The following SRP68 variants were observed in gnomAD, a reference collection of about 807,000 sequenced individuals.
The protein encoded by SRP68 is signal recognition particle 68, also known as signal recognition particle subunit SRP68.
In SRP68, 15 loss-of-function variants were observed where a neutral mutation model predicts 82.2. The ratio of observed to expected loss-of-function variants is 0.18; its 90% confidence interval spans 0.12 to 0.28. The LOEUF (loss-of-function observed/expected upper bound fraction) is 0.28, where lower values mean the gene tolerates loss of function less well. SRP68 is among the 10% of genes least tolerant of loss of function. The pLI is 1.00. For missense variants in SRP68, 595 were observed against 780.5 expected (o/e 0.76, Z 2.83); for synonymous variants, 261 against 292.6 (o/e 0.89, Z 1.10).
intron 6 of SRP68, 118 bp from the exon 7 acceptor site, chr17:76,060,508 A>G: frequency 1.5e-6 from 1 of 672,990 alleles, no homozygotes; most frequent in African/African-American, 1.8e-5. Context: ...ATGAATCTGC[A>G]GCACAATCTG....
chr17:76,060,763 G>A (rs2066747110), intron 6 of SRP68: 1 of 344,232 alleles, frequency 2.9e-6, no homozygotes. Context: ...AGAGGCTATG[G>A]ATGTGGGGAG....
chr17:76,056,168 G>A (rs533781999), intron 8 of SRP68, among the ~76,000 whole-genome samples: 41 of 151,962 alleles, frequency 2.7e-4, no homozygotes, highest in Non-Finnish European at 3.8e-4. Flanking sequence ...CATTTGGTAC[G>A]TGTCTGTAGC....
intron 15 of SRP68, 129 bp from the exon 16 acceptor site, chr17:76,040,062 G>T: frequency 1.1e-6 from 1 of 897,926 alleles, no homozygotes; most frequent in Non-Finnish European, 1.7e-6. Context: ...AATCCCGACA[G>T]CCTCCTACGA....
In SRP68 at chr17:76,072,443, CACT is replaced by C. The variant is rs2066863272; in HGVS notation, c.46_48del (p.Ser16del). On this transcript the variant is annotated inframe_deletion, in exon 1 of 16. Coordinates refer to ENST00000307877, the MANE Select transcript of SRP68 (RefSeq NM_014230.4). The surrounding 1 kb of genome is among the most constrained non-coding windows in gnomAD (Gnocchi z 4.5). ...CCGCCGCCACTGCCACCGCCGCCGC[CACT>C]GCCGCCGCCGCCGCCGCCGCCTGGG... is the stretch of plus-strand genomic sequence containing the variant. 6.3e-7 allele frequency: 1 copy of C among 1,583,352 alleles called. No homozygotes were observed. The highest frequency in any genetic ancestry group is 8.6e-7 in the Non-Finnish European group (1 of 1,167,454).
chr17:76,065,357 G>GT (rs1567936470), intron 3 of SRP68, among the ~76,000 whole-genome samples: 2 of 149,826 alleles, frequency 1.3e-5, no homozygotes, highest in African/African-American at 4.9e-5. Context: ...TCAGGAGGGT[G>GT]AGACAGGAGT....
Position 76,039,864 on chromosome 17 carries a change from G to A in SRP68, c.1726C>T (p.His576Tyr), listed in dbSNP as rs1180254232. 5.0e-6 allele frequency: 8 copies of A among 1,614,142 alleles called. No homozygotes were observed. Among genetic ancestry groups the A allele is most frequent in the Non-Finnish European group, 6.8e-6 (8 of 1,180,060 alleles). ...ATGGGCTGGAAGCCTGGTGGGAAGTGCACAAGGTTGGCTTGCTTGGTGACA... is the reference window on the plus strand; with the variant it reads ...ATGGGCTGGAAGCCTGGTGGGAAGTACACAAGGTTGGCTTGCTTGGTGACA... ...SLVTKQANLV[H>Y]FPPGFQPIPC... The change falls in exon 16 of 16, where the codon CAC becomes TAC. Residue 576 changes from histidine to tyrosine, a missense_variant. Coordinates refer to ENST00000307877, the MANE Select transcript of SRP68 (RefSeq NM_014230.4).
chr17:76,060,499 T>A, intron 6 of SRP68, 109 bp from the exon 7 acceptor site: 1 of 708,800 alleles, frequency 1.4e-6, no homozygotes, highest in Non-Finnish European at 2.5e-6. Flanking sequence ...GCTACTTCAA[T>A]GAATCTGCAG....
At chr17:76,066,929 T>C (rs1018670280) in intron 3 of SRP68, among the ~76,000 whole-genome samples, 4 of 152,098 alleles carry the variant, frequency 2.6e-5, no homozygotes, top group African/African-American at 9.7e-5. Context: ...GGTTTTGCCA[T>C]GTTGGCCAGG....
chr17:76,049,648 G>A (rs1167150997), intron 9 of SRP68: 2 of 152,096 alleles, frequency 1.3e-5, no homozygotes, highest in Non-Finnish European at 2.9e-5. Context: ...GGTATGAAAC[G>A]AAAATTAGAA....
intron 14 of SRP68, chr17:76,040,676 A>G: frequency 1.5e-6 from 1 of 666,060 alleles, no homozygotes; most frequent in Non-Finnish European, 2.6e-6. Context: ...CAGTGAAGCC[A>G]GCACAGTTGC....
intron 6 of SRP68, among the ~76,000 whole-genome samples, chr17:76,060,895 C>T (rs926269339): frequency 1.3e-5 from 2 of 152,206 alleles, no homozygotes; most frequent in African/African-American, 4.8e-5. Flanking sequence ...GTACACAGCA[C>T]AGCAGGACAG....
At chr17:76,056,851 G>C (rs1598264606) in intron 8 of SRP68, among the ~76,000 whole-genome samples, 1 of 152,138 alleles carries the variant, frequency 6.6e-6, no homozygotes, top group Non-Finnish European at 1.5e-5. Flanking sequence ...TCATACAAAG[G>C]TCACCAGGAT....
At chr17:76,040,290 G>T in intron 15 of SRP68, 129 bp downstream of exon 15, 1 of 878,526 alleles carries the variant, frequency 1.1e-6, no homozygotes, top group Non-Finnish European at 1.9e-6. Flanking sequence ...TTTGAGGTTG[G>T]GTAAGAGAAG....
Position 76,061,538 on chromosome 17 carries a change from C to A in SRP68, c.598G>T (p.Glu200Ter). The A allele has an allele frequency of 6.2e-7, 1 of 1,613,992 alleles. No homozygotes were observed. Among genetic ancestry groups the A allele is most frequent in the South Asian group, 1.1e-5 (1 of 91,028 alleles). Reference protein sequence around the residue: ...TAYLSGMLRFEHQEWKAAIEA... With the variant: ...TAYLSGMLRF Reference sequence around the variant, plus strand: ...ATGGCAGCTTTCCATTCTTGATGTTCAAAACGTAGCATTCCTGAGAGGTAA... The same window carrying A: ...ATGGCAGCTTTCCATTCTTGATGTTAAAAACGTAGCATTCCTGAGAGGTAA... Residue 200 changes from glutamate to a stop codon, truncating the protein, a stop_gained, in exon 5 of 16, where the codon GAA becomes TAA. Transcript: ENST00000307877. LOFTEE classifies it high-confidence loss of function.
At position 76,053,546 on chromosome 17, in the gene SRP68, G is replaced by A. The variant is rs577695566; in HGVS notation, c.979-3020C>T. On this transcript the variant is annotated intron_variant, in intron 8 of 15. Coordinates refer to ENST00000307877, the MANE Select transcript of SRP68 (RefSeq NM_014230.4). The stretch of plus-strand genomic sequence containing the variant: ...TATCACCTCTGCTCCCTTTAACTAA[G>A]CCTCTGCATCAAGGTGCTGAAACCA... 5.1e-6 allele frequency: 5 copies of A among 985,290 alleles called. No individual in the cohort carries two copies. In the East Asian group the frequency reaches 3.4e-4, roughly 67 times the overall value. The allele number at this position is 985,290 out of a possible 1,614,324, so 61.0% of individuals were successfully genotyped here.
chr17:76,058,950 C>A (rs1331678550), intron 7 of SRP68, among the ~76,000 whole-genome samples: 2 of 152,186 alleles, frequency 1.3e-5, no homozygotes, highest in Non-Finnish European at 2.9e-5. Flanking sequence ...TGGTGTATGG[C>A]TGGATAAGGT....
chr17:76,039,843 G>A lies in SRP68; in HGVS notation c.1747C>T (p.Pro583Ser), dbSNP rs368302170. 2 of 1,614,128 alleles carry A rather than the reference G, an allele frequency of 1.2e-6. No homozygotes were observed. Among genetic ancestry groups the A allele is most frequent in the African/African-American group, 2.7e-5 (2 of 74,936 alleles). The change falls in exon 16 of 16, where the codon CCC becomes TCC. Residue 583 changes from proline to serine, a missense_variant. By Grantham distance (74) the Pro-to-Ser change is moderately conservative. This residue lies in a region of SRP68 where 495 missense variants were observed against 688.6 expected (regional missense o/e 0.72). Coordinates refer to ENST00000307877, the MANE Select transcript of SRP68 (RefSeq NM_014230.4). The stretch of plus-strand genomic sequence containing the variant: ...AAGAACAAAGGCTTGCAGGGAATGG[G>A]CTGGAAGCCTGGTGGGAAGTGCACA... Reference protein sequence around the residue: ...NLVHFPPGFQPIPCKPLFFDL... With the variant: ...NLVHFPPGFQSIPCKPLFFDL...
chr17:76,039,788 G>A lies in SRP68; in HGVS notation c.1802C>T (p.Pro601Leu), dbSNP rs532879908. Residue 601 changes from proline to leucine, a missense_variant, in exon 16 of 16, where the codon CCA (proline) becomes CTA (leucine). Physicochemically the swap from Pro to Leu is moderately conservative, Grantham distance 98. Transcript: ENST00000307877. ...CTGTTCCAACTTGTCCTCAAGGGGT[G>A]GGAAAGCCACATGGTTGAGGGCCAG... The part of the protein sequence containing the change: ...FDLALNHVAF[P>L]PLEDKLEQKT... The A allele has an allele frequency of 6.2e-7, 1 of 1,614,196 alleles. No homozygotes were observed. Among genetic ancestry groups the A allele is most frequent in the South Asian group, 1.1e-5 (1 of 91,080 alleles).
chr17:76,063,944 A>G, intron 4 of SRP68, 32 bp downstream of exon 4: 1 of 1,573,062 alleles, frequency 6.4e-7, no homozygotes. Context: ...TTTAATCTCC[A>G]CAATAAACAA....
Sources: gnomAD v4.1 joint callset for allele counts (sites outside exome capture counted in the v4.1 genomes callset) on GRCh38, gnomAD v4.1.1 for gene constraint, gnomAD v4.1.1 regional missense constraint, Gnocchi (gnomAD v3.1) non-coding constraint, MANE v1.5 for transcripts, NCBI Gene and HGNC (gene_info 2026-07-23, HGNC 2026-07-21) for gene names.